The following RBM26 variants were observed in gnomAD, a reference collection of about 807,000 sequenced individuals.
The protein encoded by RBM26 is RNA binding motif protein 26, also known as RNA-binding protein 26.
Under a neutral mutation model 123.6 loss-of-function variants are expected in RBM26, and 30 were observed. That is an observed-to-expected ratio of 0.24 (90% CI 0.18 to 0.33). The LOEUF (loss-of-function observed/expected upper bound fraction) is 0.33, where lower values mean the gene tolerates loss of function less well. Ranked by LOEUF, RBM26 falls within the 10% of genes least tolerant of loss-of-function variation. The pLI is 1.00. For missense variants in RBM26, 947 were observed against 1,203.6 expected, an observed-to-expected ratio of 0.79 and a Z score of 3.15; for synonymous variants, 400 against 404.4, an observed-to-expected ratio of 0.99 and a Z score of 0.13.
intron 1 of RBM26, among the ~76,000 whole-genome samples, chr13:79,400,023 G>A (rs1432150942): frequency 6.6e-6 from 1 of 152,130 alleles, no homozygotes; most frequent in Non-Finnish European, 1.5e-5. Flanking sequence ...GCAGAGTAGA[G>A]GTTCTAGTTT....
At chr13:79,378,251 T>A (rs2076808118) in intron 2 of RBM26, among the ~76,000 whole-genome samples, 1 of 152,352 alleles carries the variant, frequency 6.6e-6, no homozygotes, top group South Asian at 2.1e-4. Flanking sequence ...ATTTTCTTAA[T>A]CTTTTAATCT....
chr13:79,402,610 T>C (rs75266347), intron 1 of RBM26, among the ~76,000 whole-genome samples: 10,691 of 152,180 alleles, frequency 0.07, 515 homozygotes, highest in South Asian at 0.18. Context: ...TTTGCTTTTT[T>C]CTATTTCTTT....
rs546110966 is a variant in RBM26 at position 79,382,678 on chromosome 13, C to T, written c.72-3771G>A. 4.5e-4 allele frequency among the ~76,000 whole-genome samples: 69 copies of T among 151,984 alleles called. 1 individual carries two copies. The highest frequency in any genetic ancestry group is 9.4e-4 in the Non-Finnish European group (64 of 67,916). ...GTGAAAACTTAAGCACTTTAGTAAA[C>T]GGTTAAGTTAAAGGAAATGAAAGTG... On this transcript the variant is annotated intron_variant, in intron 1 of 21. Coordinates refer to ENST00000438737, the MANE Select transcript of RBM26 (RefSeq NM_001366735.2).
At chr13:79,341,051 A>T in intron 18 of RBM26, 72 bp downstream of exon 18, 1 of 782,734 alleles carries the variant, frequency 1.3e-6, no homozygotes. Context: ...GGAAGGGAAT[A>T]TATTTTTAAA....
chr13:79,337,411 C>A, intron 18 of RBM26, 109 bp from the exon 19 acceptor site: 1 of 1,223,348 alleles, frequency 8.2e-7, no homozygotes, highest in South Asian at 1.4e-5. Flanking sequence ...ACAATGTATT[C>A]AAATGCCCTA....
chr13:79,336,966 AATTAAAG>A (rs2070523033), intron 19 of RBM26, 129 bp downstream of exon 19: 1 of 817,188 alleles, frequency 1.2e-6, no homozygotes, highest in African/African-American at 1.7e-5. Context: ...TTAACAAAAA[AATTAAAG>A]ATTAAACTCT....
rs758051479 is a variant in RBM26, at chr13:79,390,191, T to C, written c.72-11284A>G. 9.2e-5 allele frequency among the ~76,000 whole-genome samples: 14 copies of C among 152,260 alleles called. No homozygotes were observed. The East Asian group carries it at 2.3e-3, about 25-fold the overall frequency. On this transcript the variant is annotated intron_variant, in intron 1 of 21. Transcript: ENST00000438737. The stretch of plus-strand genomic sequence containing the variant: ...TTTTTAATTAGTAAGACTTAAGAAA[T>C]TGTGTCAAATTAACAATAATGAGAG...
At chr13:79,336,353 T>C (rs1338781313) in intron 19 of RBM26, among the ~76,000 whole-genome samples, 2 of 152,318 alleles carry the variant, frequency 1.3e-5, no homozygotes, top group African/African-American at 2.4e-5. Context: ...AACTGATACA[T>C]GTAAAAGCCT....
chr13:79,373,375 TATTA>T (rs2076223124), intron 3 of RBM26, among the ~76,000 whole-genome samples: 1 of 102,430 alleles, frequency 9.8e-6, no homozygotes, highest in Non-Finnish European at 1.8e-5. Flanking sequence ...ATATAATATA[TATTA>T]TATATAAATA....
intron 1 of RBM26, among the ~76,000 whole-genome samples, chr13:79,392,607 A>G (rs1201775577): frequency 6.8e-6 from 1 of 147,636 alleles, no homozygotes; most frequent in Non-Finnish European, 1.5e-5. Flanking sequence ...ATATATAAAT[A>G]AACATAGGAA....
intron 1 of RBM26, among the ~76,000 whole-genome samples, chr13:79,388,166 G>A (rs1223601236): frequency 1.3e-5 from 2 of 152,228 alleles, no homozygotes. Context: ...GGCGATCTCA[G>A]CTGACTGCAA....
intron 1 of RBM26, chr13:79,389,756 G>A (rs1279909328): frequency 6.6e-6 from 1 of 152,150 alleles, no homozygotes; most frequent in Non-Finnish European, 1.5e-5. Context: ...AAGTCTTTTG[G>A]TAAGTTTTCC....
At chr13:79,347,265 A>G (rs911839269) in intron 14 of RBM26, among the ~76,000 whole-genome samples, 1 of 152,182 alleles carries the variant, frequency 6.6e-6, no homozygotes, top group Admixed American at 6.5e-5. Context: ...CAGTGACTGT[A>G]AGACAAACTA....
chr13:79,350,695 T>C lies in RBM26; in HGVS notation c.2058+2458A>G, dbSNP rs527616869. 2.0e-5 allele frequency among the ~76,000 whole-genome samples: 3 copies of C among 152,270 alleles called. No individual in the cohort carries two copies. The South Asian group carries it at 6.2e-4, about 32-fold the overall frequency. On this transcript the variant is annotated intron_variant, in intron 14 of 21. Transcript: ENST00000438737. The stretch of plus-strand genomic sequence containing the variant: ...TTAGTTTAATAATGACATAGGATAC[T>C]GTATAGATACAAGCTTTGGGTTTTC...
chr13:79,327,985 T>TA (rs1287681326), intron 20 of RBM26, among the ~76,000 whole-genome samples: 12 of 151,930 alleles, frequency 7.9e-5, no homozygotes, highest in Admixed American at 2.0e-4. Flanking sequence ...CTGGCTATGT[T>TA]AAAAAAAATT....
intron 3 of RBM26, chr13:79,376,103 C>G (rs1050136468): frequency 1.3e-5 from 2 of 151,980 alleles, no homozygotes; most frequent in Non-Finnish European, 2.9e-5. Context: ...TTTGTAGAAC[C>G]AAAATTTTAA....
At chr13:79,332,278 T>C (rs1290042230) in intron 20 of RBM26, among the ~76,000 whole-genome samples, 1 of 152,178 alleles carries the variant, frequency 6.6e-6, no homozygotes, top group African/African-American at 2.4e-5. Flanking sequence ...TTATTTTATA[T>C]AACAATGGTG....
At chr13:79,369,601 C>T (rs985031215) in intron 5 of RBM26, among the ~76,000 whole-genome samples, 7 of 151,924 alleles carry the variant, frequency 4.6e-5, no homozygotes, top group African/African-American at 7.3e-5. Flanking sequence ...TATACAAAGG[C>T]CATAAATAGT....
At chr13:79,353,510 T>A (rs964869449) in intron 13 of RBM26, among the ~76,000 whole-genome samples, 1 of 152,096 alleles carries the variant, frequency 6.6e-6, no homozygotes, top group African/African-American at 2.4e-5. Context: ...TAGGAGAAAA[T>A]CTCAAATTTT....
Sources: allele counts gnomAD v4.1 joint callset (sites outside exome capture counted in the v4.1 genomes callset), GRCh38; gene constraint gnomAD v4.1.1; transcripts MANE v1.5; gene names NCBI Gene and HGNC (gene_info 2026-07-23, HGNC 2026-07-21).